Variants in CACNA2D3 observed in about 807,000 individuals in gnomAD.
CACNA2D3 encodes calcium voltage-gated channel auxiliary subunit alpha2delta 3.
In CACNA2D3, 60 loss-of-function variants were observed where a neutral mutation model predicts 160.6. That is an observed-to-expected ratio of 0.37 (90% CI 0.30 to 0.46). CACNA2D3 has a LOEUF of 0.46. Among genes scored for constraint, CACNA2D3 ranks in the 20% least tolerant of loss-of-function variants. The pLI, the probability that CACNA2D3 is intolerant of heterozygous loss-of-function variation, is 1.00. For missense variants in CACNA2D3, 1,205 were observed against 1,365.0 expected, an observed-to-expected ratio of 0.88 and a Z score of 1.85; for synonymous variants, 558 against 492.9, an observed-to-expected ratio of 1.13 and a Z score of -1.75.
chr3:54,509,929 A>G lies in CACNA2D3; in HGVS notation c.544+6275A>G, dbSNP rs575194975. Among the ~76,000 whole-genome samples, 6 of 152,306 alleles carry G rather than the reference A, an allele frequency of 3.9e-5. No individual in the cohort carries two copies. In the South Asian group the frequency reaches 1.2e-3, roughly 32 times the overall value. On this transcript the variant is annotated intron_variant, in intron 5 of 37. Transcript: ENST00000474759. ...GCACAATAGGTCTGCAGAGATGTAT[A>G]TGTGTGTATGCATAGGTTTGTGTCT...
intron 3 of CACNA2D3, among the ~76,000 whole-genome samples, chr3:54,345,432 G>A (rs1402108249): frequency 6.6e-6 from 1 of 151,944 alleles, no homozygotes; most frequent in Non-Finnish European, 1.5e-5. Context: ...AAACACTACT[G>A]CTGAAGGGAA....
chr3:54,288,035 A>T (rs1034566308), intron 2 of CACNA2D3, among the ~76,000 whole-genome samples: 2 of 152,030 alleles, frequency 1.3e-5, no homozygotes, highest in Non-Finnish European at 2.9e-5. Flanking sequence ...GAGCAAACAC[A>T]TTCAAAAGCT....
At chr3:54,942,895 G>A (rs1193760619) in intron 27 of CACNA2D3, among the ~76,000 whole-genome samples, 1 of 152,038 alleles carries the variant, frequency 6.6e-6, no homozygotes, top group African/African-American at 2.4e-5. Flanking sequence ...GCGGTGGCAC[G>A]TGCCTGTAGT....
chr3:54,177,768 C>T (rs1700703628), intron 2 of CACNA2D3: 1 of 152,188 alleles, frequency 6.6e-6, no homozygotes, highest in South Asian at 2.1e-4. Context: ...TCACTGGTTT[C>T]TGTGTGGTTG....
At chr3:54,550,760 A>G (rs1407352929) in intron 5 of CACNA2D3, among the ~76,000 whole-genome samples, 1 of 152,132 alleles carries the variant, frequency 6.6e-6, no homozygotes, top group Non-Finnish European at 1.5e-5. Flanking sequence ...ATTCTGCAGC[A>G]TGGTTGTCCT....
chr3:55,024,912 A>G (rs1485825758), intron 35 of CACNA2D3, among the ~76,000 whole-genome samples: 1 of 152,204 alleles, frequency 6.6e-6, no homozygotes, highest in African/African-American at 2.4e-5. Flanking sequence ...GTTGTTGACA[A>G]TTCATGACTC....
At position 55,004,782 on chromosome 3, in the gene CACNA2D3, C is replaced by G; in HGVS notation, c.2710C>G (p.Gln904Glu). ...CTGTAGAATTACCCTTTATGACTAC[C>G]AAGCCATGTGTAGAGCCAACAAGGA... is the stretch of plus-strand genomic sequence containing the variant. ...SFKRITLYDY[Q>E]AMCRANKESS... Residue 904 changes from glutamine to glutamate, a missense_variant, in exon 32 of 38, where the codon CAA (glutamine) becomes GAA (glutamate). By Grantham distance (29) the Gln-to-Glu change is conservative. Transcript: ENST00000474759. The G allele has an allele frequency of 6.2e-7, 1 of 1,613,430 alleles. No homozygotes were observed. Among genetic ancestry groups the G allele is most frequent in the Non-Finnish European group, 8.5e-7 (1 of 1,179,428 alleles).
intron 2 of CACNA2D3, among the ~76,000 whole-genome samples, chr3:54,177,061 T>G (rs1700692914): frequency 6.6e-6 from 1 of 152,224 alleles, no homozygotes; most frequent in Non-Finnish European, 1.5e-5. Flanking sequence ...AATGTTGAGC[T>G]TATGCCTTCC....
At position 54,460,742 on chromosome 3, in the gene CACNA2D3, G is replaced by C. The variant is rs572038894; in HGVS notation, c.382-42750G>C. ...GCAAACAGGGACAATTTGACTTCCT[G>C]TTTTCCTAATTGAATACCCTTTATT... is the stretch of plus-strand genomic sequence containing the variant. On this transcript the variant is annotated intron_variant, in intron 4 of 37. Transcript: ENST00000474759. 6.2e-3 allele frequency among the ~76,000 whole-genome samples: 944 copies of C among 152,132 alleles called. 16 individuals carry two copies. The highest frequency in any genetic ancestry group is 0.021 in the African/African-American group (877 of 41,498).
intron 27 of CACNA2D3, among the ~76,000 whole-genome samples, chr3:54,929,137 T>C (rs1402761269): frequency 6.6e-6 from 1 of 152,146 alleles, no homozygotes; most frequent in Non-Finnish European, 1.5e-5. Context: ...GAGTCGATAT[T>C]TGGCTCCACC....
intron 11 of CACNA2D3, among the ~76,000 whole-genome samples, chr3:54,688,980 A>C (rs1700518311): frequency 7.5e-5 from 1 of 13,280 alleles, no homozygotes; most frequent in South Asian, 2.6e-3. Context: ...AGACTGTCTC[A>C]AAAAAAAAAA....
chr3:54,725,788 A>T (rs1701264615), intron 11 of CACNA2D3, among the ~76,000 whole-genome samples: 2 of 152,228 alleles, frequency 1.3e-5, no homozygotes, highest in Admixed American at 1.3e-4. Flanking sequence ...TATTTATGAC[A>T]GACCCACGTC....
chr3:54,535,875 G>A (rs1305214432), intron 5 of CACNA2D3, among the ~76,000 whole-genome samples: 1 of 152,206 alleles, frequency 6.6e-6, no homozygotes, highest in Non-Finnish European at 1.5e-5. Context: ...TGGTCAATTT[G>A]TCAGTGTCAG....
intron 3 of CACNA2D3, among the ~76,000 whole-genome samples, chr3:54,326,213 G>A (rs1380086044): frequency 6.6e-6 from 1 of 152,154 alleles, no homozygotes; most frequent in Non-Finnish European, 1.5e-5. Flanking sequence ...ACGAATATCA[G>A]TATTTGCATT....
At chr3:54,932,504 A>T (rs1000028458) in intron 27 of CACNA2D3, among the ~76,000 whole-genome samples, 1 of 152,334 alleles carries the variant, frequency 6.6e-6, no homozygotes, top group African/African-American at 2.4e-5. Flanking sequence ...AACAAAAATT[A>T]AGAAGCAAGT....
intron 29 of CACNA2D3, among the ~76,000 whole-genome samples, chr3:54,972,420 C>A (rs570099316): frequency 1.3e-5 from 2 of 152,286 alleles, no homozygotes; most frequent in South Asian, 4.1e-4. Flanking sequence ...ATTGTTTCAG[C>A]AGACTCTTGC....
intron 4 of CACNA2D3, among the ~76,000 whole-genome samples, chr3:54,463,997 C>A (rs1307451414): frequency 1.3e-5 from 2 of 152,204 alleles, no homozygotes; most frequent in Non-Finnish European, 2.9e-5. Flanking sequence ...CCATACAGGA[C>A]CCTCAGCTGC....
At position 54,752,660 on chromosome 3, in the gene CACNA2D3, T is replaced by C; in HGVS notation, c.1229T>C (p.Met410Thr). 1 of 1,613,068 alleles carries C rather than the reference T, an allele frequency of 6.2e-7. No homozygotes were observed. Among genetic ancestry groups the C allele is most frequent in the Non-Finnish European group, 8.5e-7 (1 of 1,179,536 alleles). ...EAAFADNLKW[M>T]ACANKGFFTQ... ...GCGTTTGCAGACAATCTAAAGTGGA[T>C]GGCCTGTGCCAACAAAGGTGGGTCT... Residue 410 changes from methionine (M) to threonine (T), a missense_variant, in exon 12 of 38, where the codon ATG (methionine) becomes ACG (threonine). Coordinates refer to ENST00000474759, the MANE Select transcript of CACNA2D3 (RefSeq NM_018398.3).
chr3:54,764,135 C>T, intron 12 of CACNA2D3, 83 bp from the exon 13 acceptor site: 7 of 1,460,706 alleles, frequency 4.8e-6, no homozygotes, highest in Non-Finnish European at 5.7e-6. Flanking sequence ...AGCTAGAGGG[C>T]AAGAAGGCAT....
Sources: gnomAD v4.1 joint callset for allele counts (sites outside exome capture counted in the v4.1 genomes callset) on GRCh38, gnomAD v4.1.1 for gene constraint, MANE v1.5 for transcripts, NCBI Gene and HGNC (gene_info 2026-07-23, HGNC 2026-07-21) for gene names.